HAUS1: variants seen among roughly 807,000 people sequenced by gnomAD.
The protein encoded by HAUS1 is HAUS augmin-like complex subunit 1.
In HAUS1, 25 loss-of-function variants were observed where a neutral mutation model predicts 38.6. The ratio of observed to expected loss-of-function variants is 0.65; its 90% CI spans 0.47 to 0.91. The LOEUF is 0.91. HAUS1 is among the 40% of genes least tolerant of loss of function. The pLI is 0.00. For synonymous variants in HAUS1, 109 were observed against 112.9 expected (o/e 0.97, Z 0.22); for missense variants, 325 against 328.4 (o/e 0.99, Z 0.08).
At position 46,114,769 on chromosome 18, in the gene HAUS1, C is replaced by T. The variant is rs1911758217; in HGVS notation, c.206-3412C>T. ...TGACTGCAGCTGTCTGGAGTGGAGT[C>T]TCCACCTCAGTGAGCTGGAAGGGAG... On this transcript the variant is annotated intron_variant, in intron 2 of 8. Coordinates refer to ENST00000282058, the MANE Select transcript of HAUS1 (RefSeq NM_138443.4). 2.6e-5 allele frequency among the ~76,000 whole-genome samples: 4 copies of T among 152,266 alleles called. No homozygotes were observed. In the East Asian group the frequency reaches 7.7e-4, roughly 29 times the overall value.
rs1206503210 is a variant in HAUS1 at position 46,128,187 on chromosome 18, C to A, written c.*62C>A. The A allele has an allele frequency of 9.0e-6, 9 of 998,612 alleles. No individual in the cohort carries two copies. Among genetic ancestry groups the A allele is most frequent in the Non-Finnish European group, 1.3e-5 (9 of 676,018 alleles). The allele number at this position is 998,612 out of a possible 1,614,324, so 61.9% of individuals were successfully genotyped here. ...AAATTGAATAGGACTTTACAGAGTT[C>A]TTTTTCCTCTTGGCATTTCCTAATA... On this transcript the variant is annotated 3_prime_UTR_variant, in exon 9 of 9. Coordinates refer to ENST00000282058, the MANE Select transcript of HAUS1 (RefSeq NM_138443.4).
intron 2 of HAUS1, among the ~76,000 whole-genome samples, chr18:46,110,993 C>T (rs1363810261): frequency 6.6e-6 from 1 of 150,976 alleles, no homozygotes; most frequent in African/African-American, 2.4e-5. Context: ...TCTCGTGCCT[C>T]AGCCTCCTGG....
At chr18:46,104,500 G>C (rs1203765124) in intron 1 of HAUS1, 59 bp downstream of exon 1, 3 of 1,374,002 alleles carry the variant, frequency 2.2e-6, no homozygotes, top group African/African-American at 1.5e-5. Flanking sequence ...TGACACCCCC[G>C]CGCCGACAGC....
intron 2 of HAUS1, among the ~76,000 whole-genome samples, chr18:46,115,527 C>T (rs1219321594): frequency 6.6e-6 from 1 of 150,376 alleles, no homozygotes; most frequent in Non-Finnish European, 1.5e-5. Context: ...ACTTGGGAGG[C>T]TGAGGTGGGA....
At chr18:46,125,056 TAG>T (rs1392567884) in intron 7 of HAUS1, among the ~76,000 whole-genome samples, 163 bp downstream of exon 7, 4 of 152,028 alleles carry the variant, frequency 2.6e-5, no homozygotes, top group African/African-American at 7.2e-5. Flanking sequence ...GGTCAGGAGT[TAG>T]AGACCAGCTT....
intron 2 of HAUS1, among the ~76,000 whole-genome samples, chr18:46,112,107 G>A (rs964375020): frequency 4.0e-5 from 6 of 149,918 alleles, no homozygotes; most frequent in Non-Finnish European, 5.9e-5. Flanking sequence ...GGCTGGTCTC[G>A]ATCTCCTGAC....
intron 3 of HAUS1, among the ~76,000 whole-genome samples, chr18:46,118,987 C>T (rs1053588510): frequency 5.9e-5 from 9 of 152,150 alleles, no homozygotes; most frequent in African/African-American, 1.9e-4. Context: ...CCTACCTCAG[C>T]CTCCCAAATA....
At position 46,123,351 on chromosome 18, in the gene HAUS1, T is replaced by C; in HGVS notation, c.653T>C (p.Val218Ala). The C allele has an allele frequency of 6.2e-7, 1 of 1,609,440 alleles. No homozygotes were observed. Among genetic ancestry groups the C allele is most frequent in the Non-Finnish European group, 8.5e-7 (1 of 1,176,614 alleles). Residue 218 changes from valine (V) to alanine (A), a missense_variant, in exon 6 of 9, where the codon GTA becomes GCA. Transcript: ENST00000282058. The part of the protein sequence containing the change: ...MDASLSHQSL[V>A]ALSEKLARLK... ...GCTTCTCTGTCTCATCAGTCCTTAG[T>C]AGCACTATCAGAGGTGAGCTTATTT...
intron 2 of HAUS1, among the ~76,000 whole-genome samples, chr18:46,115,429 A>G (rs1044079958): frequency 6.7e-6 from 1 of 149,562 alleles, no homozygotes; most frequent in African/African-American, 2.5e-5. Flanking sequence ...ACTGCACTCC[A>G]GCCTGGGAAA....
In HAUS1 at chr18:46,123,373, A is replaced by G. The variant is rs374877700; in HGVS notation, c.666+9A>G. 5.1e-6 allele frequency: 8 copies of G among 1,575,128 alleles called. No homozygotes were observed. Among genetic ancestry groups the G allele is most frequent in the Non-Finnish European group, 6.9e-6 (8 of 1,152,892 alleles). On this transcript the variant is annotated intron_variant, in intron 6 of 8. Coordinates refer to ENST00000282058, the MANE Select transcript of HAUS1 (RefSeq NM_138443.4). ...TAGTAGCACTATCAGAGGTGAGCTT[A>G]TTTTAACCTAATTTAACTTTCTTTA...
At chr18:46,104,719 C>T (rs1040402716) in intron 1 of HAUS1, among the ~76,000 whole-genome samples, 1 of 152,074 alleles carries the variant, frequency 6.6e-6, no homozygotes, top group African/African-American at 2.4e-5. Flanking sequence ...ACTTATGAAG[C>T]CAAACCCGCC....
At chr18:46,107,468 A>G (rs996275120) in intron 2 of HAUS1, among the ~76,000 whole-genome samples, 16 of 152,184 alleles carry the variant, frequency 1.1e-4, no homozygotes, top group African/African-American at 3.1e-4. Flanking sequence ...TTTTAACACA[A>G]TTTTTATGTC....
Position 46,104,427 on chromosome 18 carries a change from G to A in HAUS1, c.16G>A (p.Glu6Lys), listed in dbSNP as rs1337044826. 2 of 1,467,870 alleles carry A rather than the reference G, an allele frequency of 1.4e-6. No individual in the cohort carries two copies. Among genetic ancestry groups the A allele is most frequent in the South Asian group, 1.4e-5 (1 of 73,120 alleles). The allele number at this position is 1,467,870 out of a possible 1,614,324, so 90.9% of individuals were successfully genotyped here. Residue 6 changes from glutamate (E) to lysine (K), a missense_variant, in exon 1 of 9, where the codon GAG becomes AAG. By Grantham distance (56) the Glu-to-Lys change is moderately conservative. Coordinates refer to ENST00000282058, the MANE Select transcript of HAUS1 (RefSeq NM_138443.4). ...AGCCGCAGCTATGGAGCCGCAGGAGGAGAGAGAAACGCAGGTGATGGGGCG... is the reference window on the plus strand; with the variant it reads ...AGCCGCAGCTATGGAGCCGCAGGAGAAGAGAGAAACGCAGGTGATGGGGCG... MEPQE[E>K]RETQVAAWLK... is the part of the protein sequence containing the mutation.
intron 4 of HAUS1, chr18:46,121,868 G>C (rs1280757411): frequency 6.6e-6 from 1 of 151,992 alleles, no homozygotes; most frequent in Non-Finnish European, 1.5e-5. Flanking sequence ...TTGAGATGGA[G>C]TCTTACTCTG....
intron 7 of HAUS1, among the ~76,000 whole-genome samples, chr18:46,125,166 T>C (rs1261191298): frequency 6.6e-6 from 1 of 151,256 alleles, no homozygotes; most frequent in Non-Finnish European, 1.5e-5. Context: ...AGGCCGAGGC[T>C]GGAGAATCAC....
At chr18:46,125,921 A>G in intron 8 of HAUS1, 130 bp downstream of exon 8, 2 of 636,840 alleles carry the variant, frequency 3.1e-6, no homozygotes, top group South Asian at 3.9e-5. Context: ...ACTGTGTATC[A>G]TTCTCCTGCA....
At chr18:46,108,275 T>G (rs1568261877) in intron 2 of HAUS1, among the ~76,000 whole-genome samples, 1 of 150,154 alleles carries the variant, frequency 6.7e-6, no homozygotes, top group Non-Finnish European at 1.5e-5. Flanking sequence ...TTACTTCTTT[T>G]TTTTTTTTTT....
rs534843765 is a variant in HAUS1, at chr18:46,124,923, T to TA, written c.738+31dup. The TA allele has an allele frequency of 1.7e-4, 212 of 1,241,730 alleles. No individual in the cohort carries two copies. The East Asian group carries it at 4.6e-3, about 27-fold the overall frequency. The allele number at this position is 1,241,730 out of a possible 1,614,324, so 76.9% of individuals were successfully genotyped here. ...TAATTTTCGCGAATTAAAAAACAAT[T>TA]ATTTCCTCCAACCTTCCCTGAGGGT... On this transcript the variant is annotated intron_variant, in intron 7 of 8. Transcript: ENST00000282058.
chr18:46,113,222 G>A (rs779623124), intron 2 of HAUS1, among the ~76,000 whole-genome samples: 25 of 150,928 alleles, frequency 1.7e-4, no homozygotes, highest in Admixed American at 4.0e-4. Flanking sequence ...GACTACAGGC[G>A]TGCAACACTA....
Sources: allele counts gnomAD v4.1 joint callset (sites outside exome capture counted in the v4.1 genomes callset), GRCh38; gene constraint gnomAD v4.1.1; transcripts MANE v1.5; gene names NCBI Gene and HGNC (gene_info 2026-07-23, HGNC 2026-07-21).